Variants in PLD5 observed in about 807,000 individuals in gnomAD.
PLD5 encodes inactive phospholipase D5.
In PLD5, 36 loss-of-function variants were observed where a neutral mutation model predicts 61.1. The ratio of observed to expected loss-of-function variants is 0.59; its 90% CI spans 0.45 to 0.78. PLD5 has a LOEUF of 0.78. Ranked by LOEUF, PLD5 falls within the 30% of genes least tolerant of loss-of-function variation. The probability of loss-of-function intolerance (pLI) is 0.00; values close to 1 mark genes in which losing one functional copy is unlikely to be tolerated. For missense variants in PLD5, 515 were observed against 644.4 expected (o/e 0.80, Z 2.17); for synonymous variants, 243 against 242.8 (o/e 1.00, Z -0.01).
chr1:242,189,552 T>C (rs1668116023), intron 5 of PLD5, among the ~76,000 whole-genome samples: 1 of 150,646 alleles, frequency 6.6e-6, no homozygotes, highest in African/African-American at 2.4e-5. Context: ...CATGCGTCAC[T>C]GTTCTAGACA....
intron 1 of PLD5, among the ~76,000 whole-genome samples, chr1:242,440,818 C>T (rs1253073993): frequency 2.0e-5 from 3 of 152,210 alleles, no homozygotes; most frequent in African/African-American, 7.2e-5. Flanking sequence ...CTCCCTCACT[C>T]CGCCTCCTCC....
At chr1:242,334,360 G>T (rs1170543278) in intron 2 of PLD5, among the ~76,000 whole-genome samples, 1 of 152,142 alleles carries the variant, frequency 6.6e-6, no homozygotes, top group East Asian at 1.9e-4. Context: ...ATAAAGGTGG[G>T]TATGCATCAA....
chr1:242,161,202 A>C (rs891709161), intron 5 of PLD5, among the ~76,000 whole-genome samples: 1 of 152,166 alleles, frequency 6.6e-6, no homozygotes, highest in African/African-American at 2.4e-5. Context: ...TCATAGTTGC[A>C]CATGGCTGGG....
intron 1 of PLD5, among the ~76,000 whole-genome samples, chr1:242,442,821 G>A (rs1326389341): frequency 5.3e-5 from 8 of 152,156 alleles, no homozygotes; most frequent in South Asian, 2.1e-4. Flanking sequence ...AAATTAATCC[G>A]TTATTTGTTC....
At position 242,085,346 on chromosome 1, in the gene PLD5, C is replaced by A. The variant is rs1463425318; in HGVS notation, c.*4508G>T. 1 of 151,962 alleles carries A rather than the reference C, an allele frequency of 6.6e-6. No homozygotes were observed. The highest frequency in any genetic ancestry group is 6.6e-5 in the Admixed American group (1 of 15,240). 9.4% of individuals were successfully genotyped at this position (151,962 alleles called of 1,614,324 possible). ...AAATAAGAAAATTTCATTTTTACAT[C>A]TTCAAGAAACTTCTGAGGAATACCC... On this transcript the variant is annotated 3_prime_UTR_variant, in exon 10 of 10. Coordinates refer to ENST00000536534, the MANE Select transcript of PLD5 (RefSeq NM_001372062.1).
intron 5 of PLD5, among the ~76,000 whole-genome samples, chr1:242,192,689 G>A (rs929821016): frequency 6.6e-5 from 10 of 152,134 alleles, no homozygotes; most frequent in Non-Finnish European, 1.0e-4. Flanking sequence ...AAGAGTTAGC[G>A]GAAGAGAAAA....
At chr1:242,170,663 AG>A (rs1468292171) in intron 5 of PLD5, among the ~76,000 whole-genome samples, 5 of 152,208 alleles carry the variant, frequency 3.3e-5, no homozygotes, top group Admixed American at 2.6e-4. Flanking sequence ...TCTTGAAAAA[AG>A]GTTAGACAAA....
chr1:242,301,962 G>A (rs1676076131), intron 2 of PLD5, among the ~76,000 whole-genome samples: 1 of 152,016 alleles, frequency 6.6e-6, no homozygotes, highest in Admixed American at 6.6e-5. Flanking sequence ...TGTATTTGTA[G>A]TAGAGACAGG....
At chr1:242,302,343 G>A (rs369453206) in intron 2 of PLD5, among the ~76,000 whole-genome samples, 1 of 152,076 alleles carries the variant, frequency 6.6e-6, no homozygotes, top group African/African-American at 2.4e-5. Context: ...TTTTTCCTTT[G>A]TCTCGTCACC....
chr1:242,284,967 A>G (rs1442673330), intron 3 of PLD5, among the ~76,000 whole-genome samples: 1 of 152,244 alleles, frequency 6.6e-6, no homozygotes, highest in Admixed American at 6.5e-5. Flanking sequence ...TACATTGTAC[A>G]GAAGTCTGTT....
chr1:242,370,820 C>G (rs1195799693), intron 1 of PLD5, among the ~76,000 whole-genome samples: 1 of 152,096 alleles, frequency 6.6e-6, no homozygotes, highest in Non-Finnish European at 1.5e-5. Flanking sequence ...GCCAACTGGT[C>G]TTTGATAAGG....
At chr1:242,148,528 G>A (rs1381387298) in intron 5 of PLD5, among the ~76,000 whole-genome samples, 1 of 151,814 alleles carries the variant, frequency 6.6e-6, no homozygotes, top group Non-Finnish European at 1.5e-5. Context: ...TGAAAGTCCT[G>A]AGGGGATTTT....
rs982396895 is a variant in PLD5 at position 242,220,494 on chromosome 1, G to A, written c.608-379C>T. On this transcript the variant is annotated intron_variant, in intron 4 of 9. Transcript: ENST00000536534. The stretch of plus-strand genomic sequence containing the variant: ...TACACCATATGCAGTTTTCTTTTCT[G>A]AGTAATTTTAATACAGTTTGCAATC... Among the ~76,000 whole-genome samples the A allele has an allele frequency of 2.0e-5, 3 of 151,934 alleles. No individual in the cohort carries two copies. The South Asian group carries it at 6.2e-4, about 32-fold the overall frequency.
In PLD5 at chr1:242,524,267, G is replaced by A; in HGVS notation, c.10C>T (p.Arg4Trp). The change falls in exon 1 of 10, where the codon CGG becomes TGG. Residue 4 changes from arginine to tryptophan, a missense_variant. Physicochemically the swap from Arg to Trp is moderately radical, Grantham distance 101. This residue lies in a region of PLD5 where 65 missense variants were observed against 46.3 expected (regional missense o/e 1.40). Transcript: ENST00000536534. Reference protein sequence around the residue: MEIRQHEWLSASPH... With the variant: MEIWQHEWLSASPH... Reference sequence around the variant, plus strand: ...GAGGCCGAGAGCCACTCGTGCTGCCGGATCTCCATCCTGACATGACCGGGC... The same window carrying A: ...GAGGCCGAGAGCCACTCGTGCTGCCAGATCTCCATCCTGACATGACCGGGC... 6.7e-7 allele frequency: 1 copy of A among 1,481,580 alleles called. No individual in the cohort carries two copies. The highest frequency in any genetic ancestry group is 8.9e-7 in the Non-Finnish European group (1 of 1,120,536). The allele number at this position is 1,481,580 out of a possible 1,614,324, so 91.8% of individuals were successfully genotyped here. A position where few individuals can be genotyped will look rare whatever the true frequency, so the allele number is the denominator to read the frequency against.
At position 242,399,385 on chromosome 1, in the gene PLD5, C is replaced by A. The variant is rs185196306; in HGVS notation, c.190-51143G>T. Among the ~76,000 whole-genome samples, 340 of 152,304 alleles carry A rather than the reference C, an allele frequency of 2.2e-3. 4 individuals are homozygous for A. Among genetic ancestry groups the A allele is most frequent in the Non-Finnish European group, 3.6e-3 (242 of 68,026 alleles). On this transcript the variant is annotated intron_variant, in intron 1 of 9. Coordinates refer to ENST00000536534, the MANE Select transcript of PLD5 (RefSeq NM_001372062.1). ...TATGCTTGAAAAAGATGTTGGCACT[C>A]ACTTTTCTATGTCTTGGGAATGCTT...
intron 1 of PLD5, among the ~76,000 whole-genome samples, chr1:242,368,122 T>G (rs1031542834): frequency 2.0e-5 from 3 of 152,016 alleles, no homozygotes; most frequent in Admixed American, 2.0e-4. Context: ...ACAAAACACT[T>G]AAGCTTATTC....
chr1:242,515,764 T>C (rs1365895715), intron 1 of PLD5, among the ~76,000 whole-genome samples: 1 of 152,226 alleles, frequency 6.6e-6, no homozygotes, highest in African/African-American at 2.4e-5. Flanking sequence ...TAAGCATTTG[T>C]GTATATGTCT....
At chr1:242,384,539 G>A (rs1282172377) in intron 1 of PLD5, among the ~76,000 whole-genome samples, 6 of 152,194 alleles carry the variant, frequency 3.9e-5, no homozygotes, top group Non-Finnish European at 5.9e-5. Flanking sequence ...GTCTTCCTTT[G>A]GGATATGCCT....
chr1:242,271,805 A>ATGTACATG (rs1452241059), intron 3 of PLD5, among the ~76,000 whole-genome samples: 1 of 152,054 alleles, frequency 6.6e-6, no homozygotes, highest in African/African-American at 2.4e-5. Flanking sequence ...ACAATACGAT[A>ATGTACATG]TGTACATGTG....
Sources: allele counts gnomAD v4.1 joint callset (sites outside exome capture counted in the v4.1 genomes callset), GRCh38; gene constraint gnomAD v4.1.1; regional missense constraint gnomAD v4.1.1; transcripts MANE v1.5; gene names NCBI Gene and HGNC (gene_info 2026-07-23, HGNC 2026-07-21).